The following LPXN variants were observed in gnomAD, a reference collection of about 807,000 sequenced individuals.
LPXN encodes leupaxin.
A neutral mutation model predicts 45.6 loss-of-function variants in LPXN; 28 were observed. The observed-to-expected ratio is 0.61, with a 90% CI of 0.45 to 0.84. LPXN has a LOEUF of 0.84. Ranked by LOEUF, LPXN falls within the 40% of genes least tolerant of loss-of-function variation. The pLI, the probability that LPXN is intolerant of heterozygous loss-of-function variation, is 0.00. For synonymous variants in LPXN, 166 were observed against 169.9 expected, an observed-to-expected ratio of 0.98 and a Z score of 0.18; for missense variants, 459 against 475.0, an observed-to-expected ratio of 0.97 and a Z score of 0.31.
intron 7 of LPXN, among the ~76,000 whole-genome samples, chr11:58,529,898 G>T (rs557083573): frequency 6.6e-6 from 1 of 152,144 alleles, no homozygotes; most frequent in Non-Finnish European, 1.5e-5. Flanking sequence ...AGCCGAAAAA[G>T]GGTGGGGTGT....
At chr11:58,545,779 T>C (rs944223794) in intron 7 of LPXN, among the ~76,000 whole-genome samples, 1 of 152,194 alleles carries the variant, frequency 6.6e-6, no homozygotes, top group Admixed American at 6.5e-5. Flanking sequence ...CTTGCAGAAA[T>C]GATACCCAAG....
At position 58,569,813 on chromosome 11, in the gene LPXN, G is replaced by C. The variant is rs566723045; in HGVS notation, c.171+743C>G. On this transcript the variant is annotated intron_variant, in intron 2 of 8. Transcript: ENST00000395074. ...TCCTAATCTATTCAGCAGAAAATAAGACCTGGGAAGTAGTGACCCTAAAAA... is the reference window on the plus strand; with the variant it reads ...TCCTAATCTATTCAGCAGAAAATAACACCTGGGAAGTAGTGACCCTAAAAA... 2.6e-5 allele frequency among the ~76,000 whole-genome samples: 4 copies of C among 152,208 alleles called. No individual in the cohort carries two copies. In the South Asian group the frequency reaches 6.2e-4, roughly 24 times the overall value.
intron 1 of LPXN, among the ~76,000 whole-genome samples, chr11:58,571,687 T>C (rs1854706179): frequency 6.6e-6 from 1 of 151,122 alleles, no homozygotes; most frequent in African/African-American, 2.4e-5. Flanking sequence ...GGAAAAGTAT[T>C]ATATACTAGT....
At chr11:58,546,713 AT>A (rs1325984158) in intron 7 of LPXN, among the ~76,000 whole-genome samples, 1 of 152,198 alleles carries the variant, frequency 6.6e-6, no homozygotes, top group East Asian at 1.9e-4. Context: ...TTAGTGTCTC[AT>A]TCTTAAATAG....
chr11:58,534,570 AG>A (rs1853491406), intron 7 of LPXN, among the ~76,000 whole-genome samples: 1 of 152,220 alleles, frequency 6.6e-6, no homozygotes, highest in Non-Finnish European at 1.5e-5. Flanking sequence ...AAGAGAAAGC[AG>A]GAAAGATCTA....
At chr11:58,570,804 C>T (rs895864722) in intron 1 of LPXN, 91 bp from the exon 2 acceptor site, 1 of 902,704 alleles carries the variant, frequency 1.1e-6, no homozygotes, top group Non-Finnish European at 1.6e-6. Context: ...TGCCCACATT[C>T]ATCTCCTTTT....
chr11:58,533,137 A>G (rs962539628), intron 7 of LPXN, among the ~76,000 whole-genome samples: 2 of 152,212 alleles, frequency 1.3e-5, no homozygotes, highest in African/African-American at 2.4e-5. Flanking sequence ...CAGAAGGAAC[A>G]AACTCCGGAC....
intron 3 of LPXN, among the ~76,000 whole-genome samples, chr11:58,563,353 T>G (rs1337289472): frequency 2.0e-5 from 3 of 152,178 alleles, no homozygotes; most frequent in Non-Finnish European, 4.4e-5. Flanking sequence ...AAAGCATCCT[T>G]AAGAGGGAAG....
At chr11:58,578,114 G>A (rs1709427542), upstream of LPXN, 2 of 1,526,556 alleles carry the variant, frequency 1.3e-6, no homozygotes, top group South Asian at 1.2e-5. Flanking sequence ...GGGCAGTTAC[G>A]CAGACACCCC....
At position 58,527,676 on chromosome 11, in the gene LPXN, T is replaced by C. The variant is rs752583766; in HGVS notation, c.939A>G (p.Gly313=). The change falls in exon 9 of 9, where the codon GGA becomes GGG. Residue 313 remains glycine (G), a synonymous_variant. Coordinates refer to ENST00000395074, the MANE Select transcript of LPXN (RefSeq NM_004811.3). ...GGTAATGGAGCTCACAGAATGGACG[T>C]CCATCCAGTTCAAAGAAGGAGCCAG... The part of the protein sequence containing the change: ...FSTGSFFELD[G]RPFCELHYHH... 7.4e-6 allele frequency: 12 copies of C among 1,613,824 alleles called. No homozygotes were observed. The highest frequency in any genetic ancestry group is 1.0e-5 in the Non-Finnish European group (12 of 1,179,986).
At chr11:58,533,631 C>T (rs1017762710) in intron 7 of LPXN, among the ~76,000 whole-genome samples, 1 of 152,146 alleles carries the variant, frequency 6.6e-6, no homozygotes, top group Non-Finnish European at 1.5e-5. Flanking sequence ...TCAAAATAAC[C>T]AGCTAGCATC....
intron 7 of LPXN, among the ~76,000 whole-genome samples, chr11:58,544,891 A>G (rs1201308710): frequency 6.6e-6 from 1 of 152,190 alleles, no homozygotes; most frequent in East Asian, 1.9e-4. Flanking sequence ...CCAAGGACCA[A>G]TGACTTGAGC....
At chr11:58,577,954 A>G (rs1854955520), upstream of LPXN, 1 of 1,539,264 alleles carries the variant, frequency 6.5e-7, no homozygotes, top group Non-Finnish European at 8.8e-7. Flanking sequence ...CGAGGGCCCA[A>G]GGACCCCATG....
chr11:58,568,084 G>A lies in LPXN; in HGVS notation c.171+2472C>T, dbSNP rs186199753. Among the ~76,000 whole-genome samples, 3 of 152,254 alleles carry A rather than the reference G, an allele frequency of 2.0e-5. No individual in the cohort carries two copies. The East Asian group carries it at 5.8e-4, about 29-fold the overall frequency. ...GGCCACCCACCACACGACCACATGA[G>A]GGCATGAGTGGTGGTTCACAAAGTG... On this transcript the variant is annotated intron_variant, in intron 2 of 8. Coordinates refer to ENST00000395074, the MANE Select transcript of LPXN (RefSeq NM_004811.3).
intron 2 of LPXN, among the ~76,000 whole-genome samples, chr11:58,567,095 G>A (rs2134343413): frequency 6.6e-6 from 1 of 152,200 alleles, no homozygotes; most frequent in South Asian, 2.1e-4. Flanking sequence ...ACCGCAGCTT[G>A]TTTGAATGCA....
upstream of LPXN, among the ~76,000 whole-genome samples, chr11:58,578,720 C>G (rs1855000844): frequency 6.6e-6 from 1 of 152,098 alleles, no homozygotes; most frequent in Non-Finnish European, 1.5e-5. Context: ...CTCAGGGAGG[C>G]AGGTGCGCGC....
intron 7 of LPXN, among the ~76,000 whole-genome samples, chr11:58,530,693 C>G (rs543984976): frequency 6.6e-6 from 1 of 152,180 alleles, no homozygotes; most frequent in Admixed American, 6.5e-5. Context: ...GCACAGGGTT[C>G]GAGCTCTGCT....
In LPXN at chr11:58,528,122, C is replaced by A. The variant is rs1853282368; in HGVS notation, c.812G>T (p.Gly271Val). The change falls in exon 8 of 9, where the codon GGT (glycine) becomes GTT (valine). Residue 271 changes from glycine to valine, a missense_variant. Transcript: ENST00000395074. ...TTCCAACACTGGGCGATTGCAGCCA[C>A]CACACTTGGGTGAGAACATGGCTAA... ...DFLAMFSPKCGGCNRPVLENY... is the reference protein window; with the variant it reads ...DFLAMFSPKCVGCNRPVLENY... 1.2e-6 allele frequency: 2 copies of A among 1,614,076 alleles called. No individual in the cohort carries two copies. Among genetic ancestry groups the A allele is most frequent in the South Asian group, 2.2e-5 (2 of 91,092 alleles).
At chr11:58,546,852 T>C (rs1172237523) in intron 7 of LPXN, among the ~76,000 whole-genome samples, 1 of 152,084 alleles carries the variant, frequency 6.6e-6, no homozygotes. Context: ...TAGTCAAAGA[T>C]TACTTGTACA....
Sources: gnomAD v4.1 joint callset for allele counts (sites outside exome capture counted in the v4.1 genomes callset) on GRCh38, gnomAD v4.1.1 for gene constraint, MANE v1.5 for transcripts, NCBI Gene and HGNC (gene_info 2026-07-23, HGNC 2026-07-21) for gene names.